The following SPAG16 variants were observed in gnomAD, a reference collection of about 807,000 sequenced individuals.
SPAG16 encodes sperm associated antigen 16, also known as sperm-associated antigen 16 protein.
A neutral mutation model predicts 80.4 loss-of-function variants in SPAG16; 86 were observed. That is an observed-to-expected ratio of 1.07 (90% CI 0.90 to 1.28). The LOEUF (loss-of-function observed/expected upper bound fraction) is 1.28. Among genes scored for constraint, SPAG16 ranks in the 50% most tolerant of loss-of-function variants. The pLI, the probability that SPAG16 is intolerant of heterozygous loss-of-function variation, is 0.00. For missense variants in SPAG16, 870 were observed against 765.3 expected (o/e 1.14, Z -1.61); for synonymous variants, 294 against 265.9 (o/e 1.11, Z -1.03).
chr2:214,092,931 T>C (rs1050731671), intron 13 of SPAG16, among the ~76,000 whole-genome samples: 3 of 152,104 alleles, frequency 2.0e-5, no homozygotes, highest in African/African-American at 7.2e-5. Context: ...GCTCTTTTTA[T>C]GGCAGCAGCT....
chr2:213,648,662 C>G (rs1028800240), intron 10 of SPAG16, among the ~76,000 whole-genome samples: 3 of 152,116 alleles, frequency 2.0e-5, no homozygotes, highest in Admixed American at 2.0e-4. Context: ...CTCTGCTGCT[C>G]TCTTCATTTT....
intron 1 of SPAG16, 22 bp from the exon 2 acceptor site, chr2:213,296,042 T>G (rs746345586): frequency 1.2e-6 from 2 of 1,603,090 alleles, no homozygotes; most frequent in Admixed American, 1.7e-5. Flanking sequence ...TTTTTGAGAT[T>G]AAAACTTGAC....
chr2:213,490,200 A>G, intron 10 of SPAG16, 110 bp downstream of exon 10: 1 of 1,043,860 alleles, frequency 9.6e-7, no homozygotes, highest in Non-Finnish European at 1.3e-6. Flanking sequence ...AGCCTTTCAA[A>G]ATTGCTACTC....
At chr2:213,879,048 G>A (rs1403984872) in intron 11 of SPAG16, among the ~76,000 whole-genome samples, 1 of 152,050 alleles carries the variant, frequency 6.6e-6, no homozygotes, top group African/African-American at 2.4e-5. Flanking sequence ...TTTGGTTGCT[G>A]TAGCTTTGTA....
intron 13 of SPAG16, among the ~76,000 whole-genome samples, chr2:214,091,866 ATAT>A (rs1205318053): frequency 1.3e-5 from 2 of 152,086 alleles, no homozygotes; most frequent in African/African-American, 4.8e-5. Context: ...GTTTTATGAA[ATAT>A]TATTATTAAT....
intron 11 of SPAG16, among the ~76,000 whole-genome samples, chr2:213,881,986 T>A (rs945711262): frequency 6.6e-6 from 1 of 152,240 alleles, no homozygotes. Context: ...AGATGATTCA[T>A]TATTTTGAGG....
intron 15 of SPAG16, among the ~76,000 whole-genome samples, chr2:214,233,688 A>T (rs1688866970): frequency 6.6e-6 from 1 of 152,108 alleles, no homozygotes; most frequent in African/African-American, 2.4e-5. Context: ...ATAACCATTT[A>T]TAGAAAAGTC....
intron 13 of SPAG16, among the ~76,000 whole-genome samples, chr2:214,031,519 A>G (rs1203484881): frequency 2.1e-5 from 3 of 144,776 alleles, no homozygotes; most frequent in Non-Finnish European, 4.6e-5. Context: ...TGGGTGCAGC[A>G]CACCAGCATG....
intron 11 of SPAG16, among the ~76,000 whole-genome samples, chr2:213,874,168 A>T (rs1451706624): frequency 6.6e-6 from 1 of 152,128 alleles, no homozygotes; most frequent in Non-Finnish European, 1.5e-5. Flanking sequence ...TGAGTGAATG[A>T]GAAGGCCTAG....
intron 12 of SPAG16, among the ~76,000 whole-genome samples, chr2:213,933,961 C>A (rs1252778551): frequency 6.6e-6 from 1 of 152,160 alleles, no homozygotes; most frequent in Non-Finnish European, 1.5e-5. Flanking sequence ...GTCCTCAGAG[C>A]CCCAAACTTG....
chr2:213,817,984 A>C (rs1382637223), intron 10 of SPAG16, among the ~76,000 whole-genome samples: 1 of 152,206 alleles, frequency 6.6e-6, no homozygotes, highest in African/African-American at 2.4e-5. Context: ...AGTTGAAATT[A>C]TTAAAAAGTA....
chr2:213,643,231 TTTTG>T lies in SPAG16; in HGVS notation c.1070+153161_1070+153164del, dbSNP rs892203792. Among the ~76,000 whole-genome samples, 454 of 149,530 alleles carry T rather than the reference TTTTG, an allele frequency of 3.0e-3. 2 individuals carry two copies. Among genetic ancestry groups the T allele is most frequent in the African/African-American group, 9.8e-3 (398 of 40,780 alleles). On this transcript the variant is annotated intron_variant, in intron 10 of 15. Coordinates refer to ENST00000331683, the MANE Select transcript of SPAG16 (RefSeq NM_024532.5). ...TATGCTATTCTAGGGTAAAACTTGT[TTTTG>T]TTTGTTTGTTTGTTTGTTTTTATTC...
intron 10 of SPAG16, among the ~76,000 whole-genome samples, chr2:213,705,003 A>G (rs112741327): frequency 9.6e-4 from 146 of 152,358 alleles, no homozygotes; most frequent in Middle Eastern, 3.4e-3. Context: ...CTGTAATCCC[A>G]GCACTTTGGG....
In SPAG16 at chr2:213,573,121, G is replaced by A. The variant is rs558456398; in HGVS notation, c.1070+83031G>A. Among the ~76,000 whole-genome samples, 46 of 152,204 alleles carry A rather than the reference G, an allele frequency of 3.0e-4. 1 individual carries two copies. Among genetic ancestry groups the A allele is most frequent in the Non-Finnish European group, 4.9e-4 (33 of 67,990 alleles). On this transcript the variant is annotated intron_variant, in intron 10 of 15. Transcript: ENST00000331683. ...TCACGCACGGTGCGCGCACCCACTGGCCTGCGCCCACTGTCTGGCACTCCC... is the reference window on the plus strand; with the variant it reads ...TCACGCACGGTGCGCGCACCCACTGACCTGCGCCCACTGTCTGGCACTCCC...
At chr2:213,601,294 A>C (rs2061051300) in intron 10 of SPAG16, among the ~76,000 whole-genome samples, 1 of 152,184 alleles carries the variant, frequency 6.6e-6, no homozygotes, top group Non-Finnish European at 1.5e-5. Flanking sequence ...GACCAACTTC[A>C]TCCAGTGTTT....
At chr2:214,279,816 T>C (rs1479467013) in intron 15 of SPAG16, among the ~76,000 whole-genome samples, 1 of 152,172 alleles carries the variant, frequency 6.6e-6, no homozygotes, top group African/African-American at 2.4e-5. Context: ...ACTCACACAA[T>C]GTATTTCTCT....
At chr2:213,391,023 A>G (rs943865105) in intron 9 of SPAG16, among the ~76,000 whole-genome samples, 1 of 152,194 alleles carries the variant, frequency 6.6e-6, no homozygotes, top group Non-Finnish European at 1.5e-5. Context: ...TAATCCCAGC[A>G]CTTTGGGAGG....
intron 15 of SPAG16, among the ~76,000 whole-genome samples, chr2:214,292,159 C>T (rs1043819562): frequency 6.6e-6 from 1 of 152,006 alleles, no homozygotes; most frequent in Non-Finnish European, 1.5e-5. Context: ...ATATGTTTTT[C>T]TTGCTGTTTT....
At chr2:213,540,386 A>C (rs189761446) in intron 10 of SPAG16, among the ~76,000 whole-genome samples, 1 of 152,002 alleles carries the variant, frequency 6.6e-6, no homozygotes, top group Non-Finnish European at 1.5e-5. Flanking sequence ...GAATCTTTAT[A>C]TTACACAAAG....
Sources: gnomAD v4.1 joint callset for allele counts (sites outside exome capture counted in the v4.1 genomes callset) on GRCh38, gnomAD v4.1.1 for gene constraint, MANE v1.5 for transcripts, NCBI Gene and HGNC (gene_info 2026-07-23, HGNC 2026-07-21) for gene names.